The following CHD7 variants were observed in gnomAD, a reference collection of about 807,000 sequenced individuals.
The protein encoded by CHD7 is ATP-dependent chromatin remodeler CHD7.
In CHD7, 24 loss-of-function variants were observed where a neutral mutation model predicts 307.3. The ratio of observed to expected loss-of-function variants is 0.08; its 90% confidence interval spans 0.06 to 0.11. The LOEUF is 0.11. Ranked by LOEUF, CHD7 falls within the 10% of genes least tolerant of loss-of-function variation. The pLI is 1.00. For missense variants in CHD7, 3,106 were observed against 3,727.1 expected (o/e 0.83, Z 4.34); for synonymous variants, 1,363 against 1,349.9 (o/e 1.01, Z -0.21).
intron 1 of CHD7, among the ~76,000 whole-genome samples, chr8:60,740,490 G>C (rs1392574928): frequency 6.6e-6 from 1 of 152,166 alleles, no homozygotes; most frequent in African/African-American, 2.4e-5. Flanking sequence ...GTGCAGACTG[G>C]GACCATGGTA....
chr8:60,765,229 ACG>A (rs1563581294), intron 2 of CHD7, among the ~76,000 whole-genome samples: 1 of 139,042 alleles, frequency 7.2e-6, no homozygotes, highest in African/African-American at 2.7e-5. Flanking sequence ...ACACACACAC[ACG>A]CACACGCATG....
intron 11 of CHD7, 35 bp from the exon 12 acceptor site, chr8:60,822,468 T>C: frequency 6.2e-7 from 1 of 1,602,562 alleles, no homozygotes; most frequent in Non-Finnish European, 8.5e-7. Flanking sequence ...ATATCCATAC[T>C]CATTAAACTT....
At chr8:60,850,404 C>T (rs769421211) in intron 25 of CHD7, 89 bp from the exon 26 acceptor site, 85 of 1,471,144 alleles carry the variant, frequency 5.8e-5, no homozygotes, top group Non-Finnish European at 7.7e-5. Flanking sequence ...GAAAAACAAA[C>T]TTGTGTTGTG....
At chr8:60,759,154 A>G (rs1810036527) in intron 2 of CHD7, among the ~76,000 whole-genome samples, 1 of 147,582 alleles carries the variant, frequency 6.8e-6, no homozygotes. Flanking sequence ...AGTTACAAAC[A>G]GTAACTTTTT....
chr8:60,766,292 AG>A, intron 2 of CHD7, among the ~76,000 whole-genome samples: 1 of 152,144 alleles, frequency 6.6e-6, no homozygotes. Flanking sequence ...AGTGAGAGAA[AG>A]GGGGGGAATT....
chr8:60,702,343 G>A lies in CHD7; in HGVS notation c.-175+23261G>A, dbSNP rs375780766. 3.3e-5 allele frequency among the ~76,000 whole-genome samples: 5 copies of A among 152,294 alleles called. No individual in the cohort carries two copies. The East Asian group carries it at 5.8e-4, about 18-fold the overall frequency. On this transcript the variant is annotated intron_variant, in intron 1 of 37. Transcript: ENST00000423902. ...AATATAGGATATTCTTATTTTAGAT[G>A]TTCTTTCTTGTTAGACTAGGTATCC...
chr8:60,848,133 T>A (rs929555531), intron 23 of CHD7, among the ~76,000 whole-genome samples: 2 of 152,242 alleles, frequency 1.3e-5, no homozygotes, highest in African/African-American at 4.8e-5. Context: ...TTTTATGAGA[T>A]AATGAAGCAG....
chr8:60,847,261 T>C (rs1805254133), intron 23 of CHD7, among the ~76,000 whole-genome samples: 2 of 152,152 alleles, frequency 1.3e-5, no homozygotes, highest in African/African-American at 4.8e-5. Context: ...TCTGTTCTGG[T>C]GAATCCTAGT....
At chr8:60,714,435 A>G (rs1353244121) in intron 1 of CHD7, among the ~76,000 whole-genome samples, 1 of 42,870 alleles carries the variant, frequency 2.3e-5, no homozygotes, top group Non-Finnish European at 4.8e-5. Context: ...CCCGCCCCGC[A>G]CACCGCCAGG....
chr8:60,720,419 T>C (rs1459136756), intron 1 of CHD7, among the ~76,000 whole-genome samples: 3 of 152,130 alleles, frequency 2.0e-5, no homozygotes, highest in Non-Finnish European at 4.4e-5. Flanking sequence ...TATGAGTTAC[T>C]TTTTTTTGTG....
At chr8:60,707,232 C>T (rs1013617652) in intron 1 of CHD7, among the ~76,000 whole-genome samples, 4 of 152,176 alleles carry the variant, frequency 2.6e-5, no homozygotes. Flanking sequence ...ATTCATGCAT[C>T]CACAGAGGCT....
intron 1 of CHD7, among the ~76,000 whole-genome samples, chr8:60,705,162 C>G (rs1806960394): frequency 6.6e-6 from 1 of 152,004 alleles, no homozygotes; most frequent in Non-Finnish European, 1.5e-5. Flanking sequence ...AGTGTGGAGT[C>G]TAAAAGTGAG....
At chr8:60,815,642 A>G (rs1803700475) in intron 7 of CHD7, among the ~76,000 whole-genome samples, 1 of 152,116 alleles carries the variant, frequency 6.6e-6, no homozygotes, top group Non-Finnish European at 1.5e-5. Flanking sequence ...TCTTGAGGGG[A>G]GGGGGTTTGC....
intron 7 of CHD7, among the ~76,000 whole-genome samples, chr8:60,809,251 T>C (rs1812680902): frequency 6.6e-6 from 1 of 152,208 alleles, no homozygotes; most frequent in Non-Finnish European, 1.5e-5. Flanking sequence ...ATCAGTTTTA[T>C]CATGAGAGTT....
chr8:60,696,091 A>T (rs529250530), intron 1 of CHD7, among the ~76,000 whole-genome samples: 2 of 152,368 alleles, frequency 1.3e-5, no homozygotes, highest in East Asian at 3.9e-4. Context: ...TCATGCAGGC[A>T]CTGAAAATCA....
chr8:60,738,941 C>G (rs1808847314), intron 1 of CHD7, among the ~76,000 whole-genome samples: 1 of 152,206 alleles, frequency 6.6e-6, no homozygotes, highest in African/African-American at 2.4e-5. Context: ...TGGGTACTCT[C>G]AGGCAGGGCT....
rs1408626113 is a variant in CHD7, at chr8:60,861,040, G to A, written c.7745G>A (p.Gly2582Glu). ...CTTGAAGATGGGACTAGGCTGGTGG[G>A]GGAAGATGCTCCTAAAAATAAGGAT... Reference protein sequence around the residue: ...INLEDGTRLVGEDAPKNKDLV... With the variant: ...INLEDGTRLVEEDAPKNKDLV... Residue 2582 changes from glycine to glutamate, a missense_variant, in exon 35 of 38, where the codon GGG becomes GAG. By Grantham distance (98) the Gly-to-Glu change is moderately conservative. Transcript: ENST00000423902. The A allele has an allele frequency of 1.2e-6, 2 of 1,613,970 alleles. No homozygotes were observed. The highest frequency in any genetic ancestry group is 1.6e-4 in the Middle Eastern group (1 of 6,062).
intron 4 of CHD7, 142 bp downstream of exon 4, chr8:60,795,269 A>C: frequency 6.6e-5 from 52 of 786,592 alleles, no homozygotes; most frequent in Non-Finnish European, 7.7e-5. Flanking sequence ...CATTATCTCC[A>C]TAGCGATGTA....
intron 21 of CHD7, among the ~76,000 whole-genome samples, chr8:60,842,908 G>T (rs115524295): frequency 0.012 from 1,798 of 152,176 alleles, 36 homozygotes; most frequent in African/African-American, 0.041. Flanking sequence ...CCTTCAGTGC[G>T]CCACGCTCCA....
Sources: gnomAD v4.1 joint callset for allele counts (sites outside exome capture counted in the v4.1 genomes callset) on GRCh38, gnomAD v4.1.1 for gene constraint, MANE v1.5 for transcripts, NCBI Gene and HGNC (gene_info 2026-07-23, HGNC 2026-07-21) for gene names.